Variants in NR3C2 observed in about 807,000 individuals in gnomAD.
NR3C2 encodes nuclear receptor subfamily 3 group C member 2.
In NR3C2, 15 loss-of-function variants were observed where a neutral mutation model predicts 86.4. The observed-to-expected ratio is 0.17, with a 90% CI of 0.12 to 0.27. The LOEUF (loss-of-function observed/expected upper bound fraction) is 0.27, where lower values mean the gene tolerates loss of function less well. Among genes scored for constraint, NR3C2 ranks in the 10% least tolerant of loss-of-function variants. NR3C2 has a pLI of 1.00. For synonymous variants in NR3C2, 458 were observed against 450.5 expected, an observed-to-expected ratio of 1.02 and a Z score of -0.21; for missense variants, 960 against 1,195.6, an observed-to-expected ratio of 0.80 and a Z score of 2.91.
At chr4:148,322,239 G>C (rs1338783455) in intron 2 of NR3C2, among the ~76,000 whole-genome samples, 1 of 149,748 alleles carries the variant, frequency 6.7e-6, no homozygotes, top group Admixed American at 6.7e-5. Flanking sequence ...GGTTTCTGCT[G>C]AGAGATCCGC....
At chr4:148,394,131 G>A (rs984106663) in intron 2 of NR3C2, among the ~76,000 whole-genome samples, 4 of 152,114 alleles carry the variant, frequency 2.6e-5, no homozygotes, top group Admixed American at 2.0e-4. Flanking sequence ...GCCCAGCACT[G>A]GGGCCCCCAC....
At chr4:148,349,356 T>A (rs1341027536) in intron 2 of NR3C2, among the ~76,000 whole-genome samples, 1 of 152,122 alleles carries the variant, frequency 6.6e-6, no homozygotes, top group African/African-American at 2.4e-5. Context: ...TCTAGTTTCA[T>A]TATGTCTCTT....
At chr4:148,443,453 G>C (rs1750453051), upstream of NR3C2, among the ~76,000 whole-genome samples, 1 of 152,046 alleles carries the variant, frequency 6.6e-6, no homozygotes, top group Non-Finnish European at 1.5e-5. Flanking sequence ...AAACAGACAG[G>C]AGGGGGGAAG....
chr4:148,351,751 T>C (rs1204208640), intron 2 of NR3C2, among the ~76,000 whole-genome samples: 2 of 152,186 alleles, frequency 1.3e-5, no homozygotes, highest in African/African-American at 4.8e-5. Flanking sequence ...AGCAAATAAA[T>C]TGACTCACAG....
chr4:148,135,570 C>T (rs1051265328), intron 6 of NR3C2, among the ~76,000 whole-genome samples: 3 of 152,086 alleles, frequency 2.0e-5, no homozygotes, highest in Non-Finnish European at 4.4e-5. Context: ...CGAACAGTGG[C>T]ACTAACAAAC....
intron 4 of NR3C2, among the ~76,000 whole-genome samples, chr4:148,172,653 G>A (rs1166594257): frequency 6.6e-6 from 1 of 152,142 alleles, no homozygotes; most frequent in Non-Finnish European, 1.5e-5. Context: ...AGGTTTAATG[G>A]CATGTTTGTT....
rs192823416 is a variant in NR3C2 at position 148,081,326 on chromosome 4, C to G, written c.*18G>C. The stretch of plus-strand genomic sequence containing the variant: ...ACACAGGGAAACTTAAGGCAAAGTT[C>G]TTCTGGGCAGCGGGCAGTCACTTCC... On this transcript the variant is annotated 3_prime_UTR_variant, in exon 9 of 9. Coordinates refer to ENST00000358102, the MANE Select transcript of NR3C2 (RefSeq NM_000901.5). The G allele has an allele frequency of 5.0e-6, 8 of 1,614,176 alleles. No individual in the cohort carries two copies. In the Admixed American group the frequency reaches 1.2e-4, roughly 24 times the overall value.
intron 2 of NR3C2, among the ~76,000 whole-genome samples, chr4:148,411,141 C>T (rs1748682333): frequency 6.7e-6 from 1 of 150,360 alleles, no homozygotes. Context: ...CCGCCCACCA[C>T]CCACCACTGG....
chr4:148,154,704 G>C lies in NR3C2; in HGVS notation c.2212C>G (p.Pro738Ala), dbSNP rs1734267653. 2 of 1,614,026 alleles carry C rather than the reference G, an allele frequency of 1.2e-6. No homozygotes were observed. The highest frequency in any genetic ancestry group is 2.2e-5 in the South Asian group (2 of 91,058). The change falls in exon 5 of 9, where the codon CCC (proline) becomes GCC (alanine). Residue 738 changes from proline to alanine, a missense_variant. Pro to Ala is a conservative substitution (Grantham distance 27). Around this residue, in one of 4 missense-constraint regions of NR3C2, gnomAD observed 82 missense variants for 73.0 expected, o/e 1.12. Transcript: ENST00000358102. ...TCAATGTTTTCAAGGACCATAACGG[G>C]GGAAGGTGTGAGCGCTCGTGAGATT... ...STISRALTPSPVMVLENIEPE... is the reference protein window; with the variant it reads ...STISRALTPSAVMVLENIEPE...
chr4:148,118,299 T>C (rs1269997452), intron 7 of NR3C2, among the ~76,000 whole-genome samples: 1 of 152,188 alleles, frequency 6.6e-6, no homozygotes, highest in Admixed American at 6.5e-5. Flanking sequence ...CGATGCCTAA[T>C]GGTCAACTCC....
At chr4:148,371,656 G>A (rs571052270) in intron 2 of NR3C2, among the ~76,000 whole-genome samples, 52 of 151,522 alleles carry the variant, frequency 3.4e-4, no homozygotes, top group African/African-American at 8.7e-4. Context: ...AAAAGCACCC[G>A]AAATTTGAAA....
At chr4:148,151,577 A>T (rs1182461243) in intron 6 of NR3C2, among the ~76,000 whole-genome samples, 1 of 152,144 alleles carries the variant, frequency 6.6e-6, no homozygotes, top group African/African-American at 2.4e-5. Context: ...CTCTTAGGTA[A>T]ATTACTACTG....
intron 4 of NR3C2, among the ~76,000 whole-genome samples, chr4:148,170,757 G>A (rs1735090328): frequency 1.3e-5 from 2 of 152,168 alleles, no homozygotes; most frequent in African/African-American, 4.8e-5. Context: ...CTTACATTTA[G>A]TTTCCTAGAC....
At chr4:148,327,780 T>C (rs116259928) in intron 2 of NR3C2, among the ~76,000 whole-genome samples, 143 of 152,342 alleles carry the variant, frequency 9.4e-4, no homozygotes, top group African/African-American at 3.3e-3. Flanking sequence ...GTCTCATCTC[T>C]CAGCACAGAC....
At chr4:148,416,238 T>C (rs1748989264) in intron 2 of NR3C2, among the ~76,000 whole-genome samples, 2 of 152,330 alleles carry the variant, frequency 1.3e-5, no homozygotes, top group Middle Eastern at 3.4e-3. Context: ...TTTTTCCATA[T>C]GTATAACAAC....
At chr4:148,170,675 T>TA (rs1481059356) in intron 4 of NR3C2, among the ~76,000 whole-genome samples, 1 of 152,212 alleles carries the variant, frequency 6.6e-6, no homozygotes, top group Non-Finnish European at 1.5e-5. Flanking sequence ...GTGAATTCTA[T>TA]AAAAATATTC....
At chr4:148,299,138 C>T (rs2149919209) in intron 2 of NR3C2, among the ~76,000 whole-genome samples, 1 of 152,242 alleles carries the variant, frequency 6.6e-6, no homozygotes, top group Non-Finnish European at 1.5e-5. Context: ...AAATTCTGGT[C>T]TCCTCACCTT....
At chr4:148,150,022 T>C (rs1734035254) in intron 6 of NR3C2, among the ~76,000 whole-genome samples, 1 of 152,188 alleles carries the variant, frequency 6.6e-6, no homozygotes, top group South Asian at 2.1e-4. Context: ...AGAGGCACCA[T>C]ATGCCTAGGG....
intron 8 of NR3C2, among the ~76,000 whole-genome samples, chr4:148,097,753 T>G (rs1731355374): frequency 6.8e-6 from 1 of 146,522 alleles, no homozygotes; most frequent in Non-Finnish European, 1.5e-5. Context: ...TTTTTTTTGT[T>G]TTTTTTTTTT....
Sources: gnomAD v4.1 joint callset for allele counts (sites outside exome capture counted in the v4.1 genomes callset) on GRCh38, gnomAD v4.1.1 for gene constraint, gnomAD v4.1.1 regional missense constraint, MANE v1.5 for transcripts, NCBI Gene and HGNC (gene_info 2026-07-23, HGNC 2026-07-21) for gene names.